The following SYT2 variants were observed in gnomAD, a reference collection of about 807,000 sequenced individuals.
SYT2 encodes the protein synaptotagmin 2.
Under a neutral mutation model 39.9 loss-of-function variants are expected in SYT2, and 15 were observed. The observed-to-expected ratio is 0.38, with a 90% CI of 0.25 to 0.58. The LOEUF is 0.58. SYT2 is among the 20% of genes least tolerant of loss of function. The pLI is 0.70. For missense variants in SYT2, 389 were observed against 530.3 expected (o/e 0.73, Z 2.62); for synonymous variants, 181 against 204.5 (o/e 0.89, Z 0.98).
At chr1:202,604,186 G>T in intron 3 of SYT2, 5 of 365,024 alleles carry the variant, frequency 1.4e-5, no homozygotes, top group South Asian at 6.2e-5. Flanking sequence ...CCAACATTTT[G>T]TCCCAGTAGC....
In SYT2 at chr1:202,663,813, GC is replaced by G. The variant is rs1303785066; in HGVS notation, c.-18+46444del. On this transcript the variant is annotated intron_variant, in intron 1 of 8. Coordinates refer to ENST00000367268, the MANE Select transcript of SYT2 (RefSeq NM_177402.5). ...GGGCAGCTCTGGATGCACTCGCTGT[GC>G]CTGGGTGCTGAGGGATCTGGCTGCT... Among the ~76,000 whole-genome samples the G allele has an allele frequency of 4.6e-5, 7 of 152,290 alleles. No homozygotes were observed. The East Asian group carries it at 1.2e-3, about 25-fold the overall frequency.
chr1:202,655,210 A>G (rs1692258908), intron 1 of SYT2, among the ~76,000 whole-genome samples: 1 of 152,120 alleles, frequency 6.6e-6, no homozygotes, highest in Non-Finnish European at 1.5e-5. Context: ...TTTGTGAGTT[A>G]TCTGCTTGGA....
At chr1:202,685,556 T>A (rs1202265945) in intron 1 of SYT2, among the ~76,000 whole-genome samples, 3 of 152,162 alleles carry the variant, frequency 2.0e-5, no homozygotes, top group Non-Finnish European at 4.4e-5. Flanking sequence ...CCAGCTTCTT[T>A]CCCAGGTAAT....
chr1:202,632,531 G>T (rs1691623134), intron 1 of SYT2: 4 of 985,076 alleles, frequency 4.1e-6, no homozygotes, highest in Non-Finnish European at 4.8e-6. Context: ...TGGCGCACAG[G>T]CCTGCTGGAA....
At chr1:202,706,257 G>A (rs1020559168) in intron 1 of SYT2, among the ~76,000 whole-genome samples, 2 of 152,010 alleles carry the variant, frequency 1.3e-5, no homozygotes, top group African/African-American at 4.8e-5. Context: ...TCGAGTGAGG[G>A]GGATGAAATG....
chr1:202,623,823 G>T lies in SYT2; in HGVS notation c.-17-18034C>A, dbSNP rs575748631. The stretch of plus-strand genomic sequence containing the variant: ...CCAGCTGGGGGAGCGCTCACCAGGG[G>T]AAAGGGGAGCTCTCTGTGGCTTAGC... On this transcript the variant is annotated intron_variant, in intron 1 of 8. Coordinates refer to ENST00000367268, the MANE Select transcript of SYT2 (RefSeq NM_177402.5). The surrounding 1 kb of genome is among the most constrained non-coding windows in gnomAD (Gnocchi z 4.2). Among the ~76,000 whole-genome samples the T allele has an allele frequency of 6.6e-6, 1 of 152,266 alleles. No homozygotes were observed. Among genetic ancestry groups the T allele is most frequent in the East Asian group, 1.9e-4 (1 of 5,180 alleles).
intron 1 of SYT2, among the ~76,000 whole-genome samples, chr1:202,676,283 T>A (rs1164998155): frequency 6.6e-6 from 1 of 151,758 alleles, no homozygotes; most frequent in East Asian, 1.9e-4. Context: ...AGGAAATAGA[T>A]GAGATGCCAT....
intron 1 of SYT2, among the ~76,000 whole-genome samples, chr1:202,670,386 G>C (rs1692565919): frequency 6.6e-6 from 1 of 152,160 alleles, no homozygotes; most frequent in South Asian, 2.1e-4. Flanking sequence ...AATTTCCTTT[G>C]GTGCCCAGGG....
At chr1:202,683,592 A>G (rs1197654760) in intron 1 of SYT2, among the ~76,000 whole-genome samples, 2 of 152,090 alleles carry the variant, frequency 1.3e-5, no homozygotes, top group Non-Finnish European at 2.9e-5. Flanking sequence ...TATTTTAAAA[A>G]TAGCTGAACG....
At chr1:202,649,168 G>C (rs947370615) in intron 1 of SYT2, among the ~76,000 whole-genome samples, 15 of 152,362 alleles carry the variant, frequency 9.8e-5, no homozygotes, top group African/African-American at 3.4e-4. Context: ...CCATGCAGCA[G>C]CTTTGGACAG....
rs781502947 is a variant in SYT2 at position 202,592,660 on chromosome 1, T to A, written c.*4097A>T. Reference sequence around the variant, plus strand: ...CTCAAATGGCTTCAGAAGGTTCTTATTTTGTTGTTGCTTAAAAAATAAAGT... The same window carrying A: ...CTCAAATGGCTTCAGAAGGTTCTTAATTTGTTGTTGCTTAAAAAATAAAGT... On this transcript the variant is annotated 3_prime_UTR_variant, in exon 9 of 9. Transcript: ENST00000367268. 1 of 152,222 alleles carries A rather than the reference T, an allele frequency of 6.6e-6. No individual in the cohort carries two copies. The highest frequency in any genetic ancestry group is 1.5e-5 in the Non-Finnish European group (1 of 68,032). 9.4% of individuals were successfully genotyped at this position (152,222 alleles called of 1,614,324 possible).
At chr1:202,709,416 A>G (rs1654335918) in intron 1 of SYT2, among the ~76,000 whole-genome samples, 1 of 152,206 alleles carries the variant, frequency 6.6e-6, no homozygotes, top group South Asian at 2.1e-4. Flanking sequence ...TGAAACGATA[A>G]AGCTCCACTT....
chr1:202,654,275 AC>A (rs1204978171), intron 1 of SYT2, among the ~76,000 whole-genome samples: 3 of 152,208 alleles, frequency 2.0e-5, no homozygotes, highest in Non-Finnish European at 4.4e-5. Flanking sequence ...TAATATTTTC[AC>A]AGTCACGTGA....
chr1:202,664,267 A>G (rs1692442298), intron 1 of SYT2, among the ~76,000 whole-genome samples: 1 of 152,112 alleles, frequency 6.6e-6, no homozygotes, highest in African/African-American at 2.4e-5. Context: ...GTTCATCCTT[A>G]GCTAGCAGGA....
intron 1 of SYT2, among the ~76,000 whole-genome samples, chr1:202,627,234 C>T (rs1691442356): frequency 3.3e-5 from 5 of 152,338 alleles, no homozygotes; most frequent in Middle Eastern, 3.4e-3. Flanking sequence ...GTATAAGCAG[C>T]TCAGCTCCCA....
chr1:202,663,065 CT>C (rs1692414253), intron 1 of SYT2, among the ~76,000 whole-genome samples: 1 of 151,424 alleles, frequency 6.6e-6, no homozygotes, highest in East Asian at 1.9e-4. Flanking sequence ...CATGAGTCCT[CT>C]TTTCTGGAAG....
At chr1:202,653,741 G>A (rs1195108471) in intron 1 of SYT2, among the ~76,000 whole-genome samples, 2 of 152,194 alleles carry the variant, frequency 1.3e-5, no homozygotes, top group East Asian at 1.9e-4. Flanking sequence ...GCTATGCTGT[G>A]TGACTACATC....
At chr1:202,643,021 C>T (rs1691964040) in intron 1 of SYT2, among the ~76,000 whole-genome samples, 1 of 152,240 alleles carries the variant, frequency 6.6e-6, no homozygotes, top group African/African-American at 2.4e-5. Context: ...ATTCAGGACA[C>T]CTCCCCCGGG....
intron 1 of SYT2, among the ~76,000 whole-genome samples, chr1:202,646,362 T>C (rs548943157): frequency 6.6e-6 from 1 of 152,270 alleles, no homozygotes; most frequent in African/African-American, 2.4e-5. Context: ...ATCCTGCCAG[T>C]CCCAGTTCCC....
Sources: gnomAD v4.1 joint callset for allele counts (sites outside exome capture counted in the v4.1 genomes callset) on GRCh38, gnomAD v4.1.1 for gene constraint, Gnocchi (gnomAD v3.1) non-coding constraint, MANE v1.5 for transcripts, NCBI Gene and HGNC (gene_info 2026-07-23, HGNC 2026-07-21) for gene names.